Variants in PPA1 observed in about 807,000 individuals in gnomAD.
PPA1 encodes the protein inorganic pyrophosphatase 1, also known as inorganic pyrophosphatase.
A neutral mutation model predicts 41.8 loss-of-function variants in PPA1; 23 were observed. The observed-to-expected ratio is 0.55, with a 90% CI of 0.40 to 0.78. PPA1 has a LOEUF of 0.78. PPA1 is among the 30% of genes least tolerant of loss of function. The probability of loss-of-function intolerance (pLI) is 0.00; values close to 1 mark genes in which losing one functional copy is unlikely to be tolerated. For synonymous variants in PPA1, 101 were observed against 116.8 expected, an observed-to-expected ratio of 0.86 and a Z score of 0.87; for missense variants, 320 against 361.6, an observed-to-expected ratio of 0.89 and a Z score of 0.93.
chr10:70,206,433 GT>G, intron 8 of PPA1, 100 bp from the exon 9 acceptor site: 4 of 825,984 alleles, frequency 4.8e-6, no homozygotes, highest in Non-Finnish European at 8.1e-6. Flanking sequence ...TGATATTCAA[GT>G]TTAGTTTAGT....
rs569174942 is a variant in PPA1, at chr10:70,213,524, C to G, written c.450G>C (p.Gly150=). The G allele has an allele frequency of 6.2e-7, 1 of 1,613,976 alleles. No individual in the cohort carries two copies. The highest frequency in any genetic ancestry group is 8.5e-7 in the Non-Finnish European group (1 of 1,179,940). Reference sequence around the variant, plus strand: ...TGGCAATGACTTTCCAGTCGGTTTCCCCTTCGTCAATCATAGCCAATATGC... The same window carrying G: ...TGGCAATGACTTTCCAGTCGGTTTCGCCTTCGTCAATCATAGCCAATATGC... ...VLGILAMIDE[G]ETDWKVIAIN... Residue 150 remains glycine, a synonymous_variant, in exon 6 of 11, where the codon GGG becomes GGC. Transcript: ENST00000373232.
intron 10 of PPA1, chr10:70,204,596 A>T (rs1292163509): frequency 3.1e-6 from 1 of 327,592 alleles, no homozygotes; most frequent in Non-Finnish European, 5.5e-6. Flanking sequence ...AGCTTTAGTG[A>T]TCTATTGCAC....
Position 70,221,056 on chromosome 10 carries a change from A to T in PPA1, c.124-2239T>A, listed in dbSNP as rs370129274. On this transcript the variant is annotated intron_variant, in intron 2 of 10. Transcript: ENST00000373232. Reference sequence around the variant, plus strand: ...TATATATAAATTATATATATATATAATTTATATATATATATATATATTTTT... The same window carrying T: ...TATATATAAATTATATATATATATATTTTATATATATATATATATATTTTT... Among the ~76,000 whole-genome samples the T allele has an allele frequency of 6.9e-4, 22 of 31,930 alleles. 1 individual carries two copies. Among genetic ancestry groups the T allele is most frequent in the African/African-American group, 6.6e-3 (21 of 3,204 alleles). The allele number at this position is 31,930 out of a possible 152,430, so 20.9% of individuals were successfully genotyped here.
chr10:70,228,388 T>G (rs2136771998), intron 2 of PPA1, among the ~76,000 whole-genome samples: 1 of 152,256 alleles, frequency 6.6e-6, no homozygotes, highest in East Asian at 1.9e-4. Context: ...GGAAAATAGC[T>G]CTATGTCAAG....
rs1840097800 is a variant in PPA1 at position 70,217,947 on chromosome 10, T to C, written c.178-16A>G. 6.6e-7 allele frequency: 1 copy of C among 1,524,506 alleles called. No individual in the cohort carries two copies. Among genetic ancestry groups the C allele is most frequent in the Middle Eastern group, 1.7e-4 (1 of 5,738 alleles). The allele number at this position is 1,524,506 out of a possible 1,614,324, so 94.4% of individuals were successfully genotyped here. Reference sequence around the variant, plus strand: ...TTGTAGCAATCTGAAATAAGAAAATTTCAAATCTTTGCATATTTGGATGTG... The same window carrying C: ...TTGTAGCAATCTGAAATAAGAAAATCTCAAATCTTTGCATATTTGGATGTG... On this transcript the variant is annotated splice_polypyrimidine_tract_variant and intron_variant, in intron 3 of 10. Coordinates refer to ENST00000373232, the MANE Select transcript of PPA1 (RefSeq NM_021129.4).
intron 6 of PPA1, 25 bp from the exon 7 acceptor site, chr10:70,209,710 G>A: frequency 6.4e-7 from 1 of 1,561,498 alleles, no homozygotes; most frequent in African/African-American, 1.4e-5. Flanking sequence ...AGCATAAGAT[G>A]ACAGTGAGAA....
chr10:70,219,791 C>G (rs1293310176), intron 2 of PPA1, among the ~76,000 whole-genome samples: 11 of 152,152 alleles, frequency 7.2e-5, no homozygotes, highest in Non-Finnish European at 1.5e-4. Flanking sequence ...CATACTTTGC[C>G]AACCCATTTT....
intron 5 of PPA1, 130 bp from the exon 6 acceptor site, chr10:70,213,719 C>A (rs1486198852): frequency 1.3e-5 from 15 of 1,144,652 alleles, no homozygotes; most frequent in South Asian, 1.7e-5. Context: ...TTCCTTTAAG[C>A]AAATTTTAAA....
At chr10:70,225,995 C>A (rs1840225612) in intron 2 of PPA1, among the ~76,000 whole-genome samples, 2 of 152,160 alleles carry the variant, frequency 1.3e-5, no homozygotes, top group Non-Finnish European at 1.5e-5. Flanking sequence ...CACTGTTGTG[C>A]CCCTTATTCA....
chr10:70,215,454 G>T (rs1840068994), intron 4 of PPA1, among the ~76,000 whole-genome samples: 1 of 151,864 alleles, frequency 6.6e-6, no homozygotes, highest in Admixed American at 6.6e-5. Context: ...AAATGGAAAG[G>T]TTGTTTTTCT....
chr10:70,215,731 T>C (rs1252607071), intron 4 of PPA1, among the ~76,000 whole-genome samples: 1 of 152,196 alleles, frequency 6.6e-6, no homozygotes, highest in Non-Finnish European at 1.5e-5. Flanking sequence ...TCCTCCCACC[T>C]TGCCCTCCCA....
chr10:70,204,839 G>A, intron 10 of PPA1, 34 bp downstream of exon 10: 1 of 1,528,696 alleles, frequency 6.5e-7, no homozygotes, highest in South Asian at 1.2e-5. Flanking sequence ...ACTGTGTAAT[G>A]TTTAATGAAA....
chr10:70,230,784 T>G (rs1164033924), intron 1 of PPA1, among the ~76,000 whole-genome samples: 2 of 152,214 alleles, frequency 1.3e-5, no homozygotes, highest in Non-Finnish European at 2.9e-5. Context: ...CCAGTACACA[T>G]TTTTAAACCA....
rs1224550178 is a variant in PPA1, at chr10:70,221,076, A to ATATTT, written c.124-2260_124-2259insAAATA. ...ATATAATTTATATATATATATATATATTTTTTTTTTTTTTTTTTTGTAGAG... is the reference window on the plus strand; with the variant it reads ...ATATAATTTATATATATATATATATATATTTTTTTTTTTTTTTTTTTTTTGTAGAG... On this transcript the variant is annotated intron_variant, in intron 2 of 10. Coordinates refer to ENST00000373232, the MANE Select transcript of PPA1 (RefSeq NM_021129.4). Among the ~76,000 whole-genome samples the ATATTT allele has an allele frequency of 1.8e-3, 71 of 40,026 alleles. 8 individuals are homozygous for ATATTT. In the East Asian group the frequency reaches 0.023, roughly 13 times the overall value. 26.3% of individuals were successfully genotyped at this position (40,026 alleles called of 152,430 possible). A position where few individuals can be genotyped will look rare whatever the true frequency, so the allele number is the denominator to read the frequency against.
chr10:70,213,365 G>A (rs1408682709), intron 6 of PPA1, 98 bp downstream of exon 6: 2 of 1,415,756 alleles, frequency 1.4e-6, no homozygotes, highest in African/African-American at 1.4e-5. Context: ...TCCTTTAACA[G>A]TTTGAAGGTA....
At chr10:70,223,645 G>A (rs1031867922) in intron 2 of PPA1, among the ~76,000 whole-genome samples, 11 of 152,072 alleles carry the variant, frequency 7.2e-5, no homozygotes, top group Non-Finnish European at 5.9e-5. Flanking sequence ...TGATATTTAG[G>A]ATTTTTCAGG....
chr10:70,221,041 TTATATATA>T (rs372616008), intron 2 of PPA1, among the ~76,000 whole-genome samples: 2 of 64,936 alleles, frequency 3.1e-5, no homozygotes, highest in South Asian at 8.0e-4. Context: ...TATATATAAA[TTATATATA>T]TATATAATTT....
chr10:70,211,396 A>AG (rs1340212097), intron 6 of PPA1, among the ~76,000 whole-genome samples: 2 of 152,198 alleles, frequency 1.3e-5, no homozygotes, highest in Non-Finnish European at 2.9e-5. Context: ...CAGTCTCACA[A>AG]GACTGCCCCA....
At position 70,233,411 on chromosome 10, in the gene PPA1, T is replaced by C. The variant is rs898663220; in HGVS notation, c.-84A>G. On this transcript the variant is annotated 5_prime_UTR_variant, in exon 1 of 11. Coordinates refer to ENST00000373232, the MANE Select transcript of PPA1 (RefSeq NM_021129.4). ...ACTGACAAGGAGAGAGCCCCACGCC[T>C]GCGCACTGCGAGCACTGGACCGGCG... 4.7e-6 allele frequency: 7 copies of C among 1,490,948 alleles called. No homozygotes were observed. The Admixed American group carries it at 1.1e-4, about 24-fold the overall frequency. 92.4% of individuals were successfully genotyped at this position (1,490,948 alleles called of 1,614,324 possible). A position where few individuals can be genotyped will look rare whatever the true frequency, so the allele number is the denominator to read the frequency against.
Sources: allele counts gnomAD v4.1 joint callset (sites outside exome capture counted in the v4.1 genomes callset), GRCh38; gene constraint gnomAD v4.1.1; transcripts MANE v1.5; gene names NCBI Gene and HGNC (gene_info 2026-07-23, HGNC 2026-07-21).